UBE2U: variants seen among roughly 807,000 people sequenced by gnomAD.
UBE2U encodes ubiquitin conjugating enzyme E2 U, also known as ubiquitin-conjugating enzyme E2 U.
Under a neutral mutation model 41.2 loss-of-function variants are expected in UBE2U, and 39 were observed. The observed-to-expected ratio is 0.95, with a 90% CI of 0.73 to 1.24. The LOEUF (loss-of-function observed/expected upper bound fraction) is 1.24. Ranked by LOEUF, UBE2U falls within the 50% of genes most tolerant of loss-of-function variation. The pLI, the probability that UBE2U is intolerant of heterozygous loss-of-function variation, is 0.00. For synonymous variants in UBE2U, 107 were observed against 117.8 expected (o/e 0.91, Z 0.60); for missense variants, 336 against 363.1 (o/e 0.93, Z 0.61).
Position 64,223,138 on chromosome 1 carries a change from T to C in UBE2U, c.506+2231T>C, listed in dbSNP as rs1161084683. Among the ~76,000 whole-genome samples, 5 of 152,236 alleles carry C rather than the reference T, an allele frequency of 3.3e-5. No individual in the cohort carries two copies. The East Asian group carries it at 9.6e-4, about 29-fold the overall frequency. ...ATGAATTCACTGAGCATATGTTGTA[T>C]ACCAGGCATTGTGCCCCAGTGTGAG... is the stretch of plus-strand genomic sequence containing the variant. On this transcript the variant is annotated intron_variant, in intron 6 of 9. Coordinates refer to ENST00000371077, the MANE Select transcript of UBE2U (RefSeq NM_001366232.2).
At chr1:64,205,829 C>T (rs1464465844) in intron 2 of UBE2U, 109 bp downstream of exon 2, 2 of 763,770 alleles carry the variant, frequency 2.6e-6, no homozygotes, top group Non-Finnish European at 2.0e-6. Flanking sequence ...TCCTGAAATT[C>T]TTCTTCATAT....
chr1:64,224,277 TAG>T (rs1417103925), intron 6 of UBE2U, among the ~76,000 whole-genome samples: 1 of 152,176 alleles, frequency 6.6e-6, no homozygotes, highest in Non-Finnish European at 1.5e-5. Flanking sequence ...AACAAATATA[TAG>T]AGATTCCAAA....
chr1:64,237,873 T>A (rs574255020), intron 7 of UBE2U, among the ~76,000 whole-genome samples: 16 of 152,274 alleles, frequency 1.1e-4, no homozygotes, highest in African/African-American at 3.8e-4. Flanking sequence ...CCATACATAT[T>A]CAAATATAAA....
chr1:64,219,639 C>A (rs926547697), intron 5 of UBE2U, among the ~76,000 whole-genome samples: 1 of 150,244 alleles, frequency 6.7e-6, no homozygotes, highest in Non-Finnish European at 1.5e-5. Flanking sequence ...GGCTGCCAGG[C>A]TGGAGTGCAG....
chr1:64,244,258 T>G (rs1183973502), intron 8 of UBE2U: 47 of 1,348,562 alleles, frequency 3.5e-5, no homozygotes, highest in Non-Finnish European at 4.4e-5. Context: ...ACCTTACCTA[T>G]CTTGCAAAGT....
At chr1:64,222,844 T>C (rs371785376) in intron 6 of UBE2U, among the ~76,000 whole-genome samples, 4 of 152,186 alleles carry the variant, frequency 2.6e-5, no homozygotes, top group East Asian at 3.8e-4. Context: ...GCTGTAGAAA[T>C]GTATTCCAAA....
At position 64,254,941 on chromosome 1, in the gene UBE2U, A is replaced by T. The variant is rs189190840; in HGVS notation, c.678-5662A>T. On this transcript the variant is annotated intron_variant, in intron 8 of 9. Transcript: ENST00000371077. ...CAAGATCAGAGTGGAACTGAATGAG[A>T]TAGAGACACAAAAAACCCTTAAAAA... Among the ~76,000 whole-genome samples, 250 of 152,316 alleles carry T rather than the reference A, an allele frequency of 1.6e-3. 2 individuals are homozygous for T. The highest frequency in any genetic ancestry group is 5.9e-3 in the African/African-American group (245 of 41,578).
intron 5 of UBE2U, among the ~76,000 whole-genome samples, chr1:64,217,315 T>C (rs1010842882): frequency 1.3e-5 from 2 of 152,150 alleles, no homozygotes; most frequent in Admixed American, 1.3e-4. Flanking sequence ...TTCAATACCT[T>C]CCAACCTATT....
intron 8 of UBE2U, among the ~76,000 whole-genome samples, chr1:64,259,692 C>T (rs144810718): frequency 0.014 from 2,113 of 152,014 alleles, 21 homozygotes; most frequent in South Asian, 0.041. Context: ...AAAAAGTAGT[C>T]GTCCCCCAAA....
chr1:64,250,741 T>C (rs1304533095), intron 8 of UBE2U, among the ~76,000 whole-genome samples: 1 of 151,870 alleles, frequency 6.6e-6, no homozygotes, highest in African/African-American at 2.4e-5. Flanking sequence ...CCATAAAAAA[T>C]GATGAGTTCA....
chr1:64,258,522 C>A (rs1195292502), intron 8 of UBE2U, among the ~76,000 whole-genome samples: 2 of 148,574 alleles, frequency 1.3e-5, no homozygotes, highest in Middle Eastern at 3.5e-3. Flanking sequence ...CGCCCCGTGT[C>A]CAGTTGTTCT....
At chr1:64,225,982 T>C (rs917172696) in intron 6 of UBE2U, among the ~76,000 whole-genome samples, 1 of 152,236 alleles carries the variant, frequency 6.6e-6, no homozygotes, top group African/African-American at 2.4e-5. Context: ...AAACATTACC[T>C]TTCCTGTAAT....
In UBE2U at chr1:64,205,684, G is replaced by C; in HGVS notation, c.112G>C (p.Val38Leu). The C allele has an allele frequency of 6.2e-7, 1 of 1,613,304 alleles. No homozygotes were observed. Among genetic ancestry groups the C allele is most frequent in the South Asian group, 1.1e-5 (1 of 90,974 alleles). Residue 38 changes from valine (V) to leucine (L), a missense_variant, in exon 2 of 10, where the codon GTT (valine) becomes CTT (leucine). Val to Leu is a conservative substitution (Grantham distance 32, BLOSUM62 1). Transcript: ENST00000371077. ...AAGTGAAGATATGATGGAATGGGAA[G>C]TTGAAATTGAAGGTCTACAGAATTC... Reference protein sequence around the residue: ...PVSEDMMEWEVEIEGLQNSVW... With the variant: ...PVSEDMMEWELEIEGLQNSVW...
chr1:64,263,698 C>T (rs1645212948), intron 9 of UBE2U, among the ~76,000 whole-genome samples: 1 of 152,134 alleles, frequency 6.6e-6, no homozygotes, highest in South Asian at 2.1e-4. Context: ...AGAAGGATGG[C>T]ATGTCATAGT....
At chr1:64,229,015 C>G (rs748869875) in intron 6 of UBE2U, among the ~76,000 whole-genome samples, 1 of 152,048 alleles carries the variant, frequency 6.6e-6, no homozygotes, top group Non-Finnish European at 1.5e-5. Context: ...CACACGCCAT[C>G]ATGCTCAGCT....
chr1:64,241,369 C>G (rs959492601), intron 7 of UBE2U, among the ~76,000 whole-genome samples: 4 of 152,108 alleles, frequency 2.6e-5, no homozygotes, highest in African/African-American at 7.2e-5. Context: ...CAATGGTCTC[C>G]TATAAATTTT....
At chr1:64,239,779 T>C (rs1241985434) in intron 7 of UBE2U, among the ~76,000 whole-genome samples, 1 of 152,126 alleles carries the variant, frequency 6.6e-6, no homozygotes, top group Non-Finnish European at 1.5e-5. Context: ...TGGTGGACAT[T>C]TGGGTTGGTT....
At chr1:64,253,322 G>T (rs1446123142) in intron 8 of UBE2U, among the ~76,000 whole-genome samples, 1 of 151,832 alleles carries the variant, frequency 6.6e-6, no homozygotes, top group Non-Finnish European at 1.5e-5. Flanking sequence ...GAGAATGGAA[G>T]CAAGTTGGAA....
chr1:64,227,791 A>G (rs36070569), intron 6 of UBE2U, among the ~76,000 whole-genome samples: 26,620 of 151,908 alleles, frequency 0.18, 2,832 homozygotes, highest in Non-Finnish European at 0.24. Flanking sequence ...GGCAACAAGA[A>G]CAAAACTTCA....
Sources: gnomAD v4.1 joint callset for allele counts (sites outside exome capture counted in the v4.1 genomes callset) on GRCh38, gnomAD v4.1.1 for gene constraint, MANE v1.5 for transcripts, NCBI Gene and HGNC (gene_info 2026-07-23, HGNC 2026-07-21) for gene names.